Variants in WBP1L observed in about 807,000 individuals in gnomAD.
WBP1L encodes WW domain binding protein 1 like, also known as WW domain binding protein 1-like.
WBP1L carries 17 observed loss-of-function variants against 33.7 expected under a neutral mutation model. The ratio of observed to expected loss-of-function variants is 0.50; its 90% confidence interval spans 0.34 to 0.76. The LOEUF is 0.76. Ranked by LOEUF, WBP1L falls within the 30% of genes least tolerant of loss-of-function variation. The pLI, the probability that WBP1L is intolerant of heterozygous loss-of-function variation, is 0.01. For synonymous variants in WBP1L, 173 were observed against 190.8 expected, an observed-to-expected ratio of 0.91 and a Z score of 0.77; for missense variants, 389 against 469.4, an observed-to-expected ratio of 0.83 and a Z score of 1.58.
intron 1 of WBP1L, chr10:102,746,031 A>T (rs1842860588): frequency 4.0e-6 from 2 of 506,202 alleles, no homozygotes. Flanking sequence ...CCCAGTAACC[A>T]ATAAATAACA....
intron 1 of WBP1L, among the ~76,000 whole-genome samples, chr10:102,749,749 A>G (rs998890877): frequency 6.6e-5 from 10 of 151,872 alleles, no homozygotes; most frequent in Non-Finnish European, 8.8e-5. Flanking sequence ...GGCGTGAGCC[A>G]CTGTTCCTGG....
intron 1 of WBP1L, among the ~76,000 whole-genome samples, chr10:102,774,284 C>T (rs1409305280): frequency 1.3e-5 from 2 of 151,978 alleles, no homozygotes; most frequent in East Asian, 3.9e-4. Context: ...GGCAGTTTGG[C>T]CTGGTTGTGA....
chr10:102,745,122 A>G (rs1842850710), intron 1 of WBP1L, among the ~76,000 whole-genome samples: 1 of 152,218 alleles, frequency 6.6e-6, no homozygotes, highest in Admixed American at 6.5e-5. Flanking sequence ...ATACACACAT[A>G]GACGCATAGC....
At chr10:102,780,042 C>A (rs555955536) in intron 1 of WBP1L, among the ~76,000 whole-genome samples, 4 of 152,264 alleles carry the variant, frequency 2.6e-5, no homozygotes, top group African/African-American at 9.6e-5. Context: ...GACCTTAGTT[C>A]ACCAGGTATG....
At chr10:102,766,216 C>T (rs1350007006) in intron 1 of WBP1L, among the ~76,000 whole-genome samples, 2 of 151,874 alleles carry the variant, frequency 1.3e-5, no homozygotes, top group Admixed American at 6.6e-5. Context: ...CCGAGGCAGG[C>T]GGATCACCTC....
chr10:102,744,258 T>G (rs1842834684), intron 1 of WBP1L, 115 bp downstream of exon 1: 3 of 1,292,988 alleles, frequency 2.3e-6, no homozygotes, highest in Admixed American at 3.1e-5. Context: ...GAGGGGCGTC[T>G]ATGCCTGGCG....
At chr10:102,762,908 G>A (rs1843058745) in intron 1 of WBP1L, among the ~76,000 whole-genome samples, 1 of 151,978 alleles carries the variant, frequency 6.6e-6, no homozygotes, top group African/African-American at 2.4e-5. Flanking sequence ...ATGGAACATA[G>A]AATTTAGAGA....
At chr10:102,760,385 T>C (rs1843022751) in intron 1 of WBP1L, among the ~76,000 whole-genome samples, 1 of 149,926 alleles carries the variant, frequency 6.7e-6, no homozygotes. Context: ...TCTTTTTTTT[T>C]TTTTTTTTGA....
chr10:102,748,229 G>C (rs549146965), intron 1 of WBP1L, among the ~76,000 whole-genome samples: 1 of 151,740 alleles, frequency 6.6e-6, no homozygotes, highest in African/African-American at 2.4e-5. Flanking sequence ...GCACTCTCCA[G>C]CCTGGGCAAC....
At chr10:102,768,314 T>C (rs1843138214) in intron 1 of WBP1L, among the ~76,000 whole-genome samples, 1 of 151,586 alleles carries the variant, frequency 6.6e-6, no homozygotes, top group South Asian at 2.1e-4. Flanking sequence ...TCTCAGATGT[T>C]CCACCCACCT....
chr10:102,803,607 CTT>C (rs11288742), intron 2 of WBP1L, among the ~76,000 whole-genome samples: 385 of 134,654 alleles, frequency 2.9e-3, no homozygotes, highest in Middle Eastern at 7.6e-3. Flanking sequence ...TTGGGTTTTC[CTT>C]TTTTTTTTTT....
At chr10:102,776,374 G>A in intron 1 of WBP1L, 1 of 1,614,202 alleles carries the variant, frequency 6.2e-7, no homozygotes, top group South Asian at 1.1e-5. Context: ...CGTTAGTGTG[G>A]ACGATGCTCT....
intron 2 of WBP1L, among the ~76,000 whole-genome samples, chr10:102,803,044 C>T (rs1319219419): frequency 1.3e-5 from 2 of 152,156 alleles, no homozygotes; most frequent in East Asian, 3.8e-4. Flanking sequence ...CCAAAATGAC[C>T]AAGGTCACAA....
intron 1 of WBP1L, among the ~76,000 whole-genome samples, chr10:102,761,444 AT>A (rs1049444576): frequency 6.9e-6 from 1 of 144,952 alleles, no homozygotes; most frequent in Admixed American, 7.0e-5. Context: ...TCAGCCTTAA[AT>A]TTTTTTATGT....
intron 1 of WBP1L, among the ~76,000 whole-genome samples, chr10:102,796,182 G>A (rs796810455): frequency 7.2e-5 from 11 of 152,234 alleles, no homozygotes; most frequent in African/African-American, 2.6e-4. Context: ...GGTGGACATG[G>A]GAGGGTGGTG....
At chr10:102,792,679 C>T (rs1843519201) in intron 1 of WBP1L, among the ~76,000 whole-genome samples, 1 of 151,110 alleles carries the variant, frequency 6.6e-6, no homozygotes, top group African/African-American at 2.4e-5. Context: ...ACCACAGCCT[C>T]CACCTCCCGG....
chr10:102,753,643 C>CT (rs1842944716), intron 1 of WBP1L, among the ~76,000 whole-genome samples: 1 of 152,186 alleles, frequency 6.6e-6, no homozygotes, highest in Non-Finnish European at 1.5e-5. Flanking sequence ...TCCACACTTT[C>CT]TTCTGTGGGA....
chr10:102,753,198 C>A (rs191813675), intron 1 of WBP1L, among the ~76,000 whole-genome samples: 9 of 152,026 alleles, frequency 5.9e-5, no homozygotes, highest in African/African-American at 2.2e-4. Flanking sequence ...ATCCTGCCTC[C>A]GCCTCTCAAG....
chr10:102,749,616 AT>A (rs1330965103), intron 1 of WBP1L, among the ~76,000 whole-genome samples: 1 of 147,312 alleles, frequency 6.8e-6, no homozygotes, highest in Non-Finnish European at 1.5e-5. Flanking sequence ...GCCTGGCCTA[AT>A]TTTTTTTAAT....
Sources: allele counts gnomAD v4.1 joint callset (sites outside exome capture counted in the v4.1 genomes callset), GRCh38; gene constraint gnomAD v4.1.1; transcripts MANE v1.5; gene names NCBI Gene and HGNC (gene_info 2026-07-23, HGNC 2026-07-21).